RBM4B: variants seen among roughly 807,000 people sequenced by gnomAD.
The protein encoded by RBM4B is RNA-binding protein 4B.
In RBM4B, 13 loss-of-function variants were observed where a neutral mutation model predicts 28.5. That is an observed-to-expected ratio of 0.46 (90% CI 0.30 to 0.72). The LOEUF is 0.72. Among genes scored for constraint, RBM4B ranks in the 30% least tolerant of loss-of-function variants. The pLI is 0.09. For synonymous variants in RBM4B, 167 were observed against 179.1 expected, an observed-to-expected ratio of 0.93 and a Z score of 0.54; for missense variants, 387 against 477.6, an observed-to-expected ratio of 0.81 and a Z score of 1.77.
In RBM4B at chr11:66,668,735, C is replaced by T. The variant is rs373656919; in HGVS notation, c.969G>A (p.Gly323=). ...LPTVGEGYGY[G]PESELSQASA... is the part of the protein sequence containing the mutation. ...AAGCCTGAGATAATTCACTCTCTGG[C>T]CCATAACCGTAGCCCTCTCCAACTG... The change falls in exon 3 of 4, where the codon GGG becomes GGA. Residue 323 remains glycine, a synonymous_variant. Transcript: ENST00000310046. 1 of 1,614,064 alleles carries T rather than the reference C, an allele frequency of 6.2e-7. No homozygotes were observed. Among genetic ancestry groups the T allele is most frequent in the Non-Finnish European group, 8.5e-7 (1 of 1,180,028 alleles).
chr11:66,666,253 A>T, intron 3 of RBM4B: 1 of 1,002,552 alleles, frequency 1.0e-6, no homozygotes. Context: ...TGGCTGGGGG[A>T]AAAAAAAAGT....
At chr11:66,672,846 CTA>C (rs1379373792) in intron 2 of RBM4B, among the ~76,000 whole-genome samples, 1 of 152,082 alleles carries the variant, frequency 6.6e-6, no homozygotes, top group Non-Finnish European at 1.5e-5. Context: ...TTGAAAAAGA[CTA>C]TGCCTCTCTA....
At position 66,665,527 on chromosome 11, in the gene RBM4B, C is replaced by G; in HGVS notation, c.*61G>C. ...TCCCGGCAAAGGGGACCGCGCGGAG[C>G]AAGTTCTCATATATGACCGCAGCCC... On this transcript the variant is annotated 3_prime_UTR_variant, in exon 4 of 4. Coordinates refer to ENST00000310046, the MANE Select transcript of RBM4B (RefSeq NM_031492.4). The G allele has an allele frequency of 1.4e-6, 2 of 1,425,958 alleles. No homozygotes were observed. Among genetic ancestry groups the G allele is most frequent in the Non-Finnish European group, 1.9e-6 (2 of 1,046,194 alleles). The allele number at this position is 1,425,958 out of a possible 1,614,324, so 88.3% of individuals were successfully genotyped here.
At position 66,668,905 on chromosome 11, in the gene RBM4B, A is replaced by T; in HGVS notation, c.799T>A (p.Ser267Thr). ...TTVTSHLNST[S>T]VDPYDRHLLP... is the part of the protein sequence containing the mutation. ...AGGTGTCTGTCATAGGGATCAACAG[A>T]AGTAGAGTTGAGGTGGCTGGTCACA... The change falls in exon 3 of 4, where the codon TCT becomes ACT. Residue 267 changes from serine to threonine, a missense_variant. Ser to Thr is a moderately conservative substitution (Grantham distance 58, BLOSUM62 1). This residue lies in a region of RBM4B where 226 missense variants were observed against 220.6 expected (regional missense o/e 1.02). Transcript: ENST00000310046. 6.2e-7 allele frequency: 1 copy of T among 1,614,144 alleles called. No homozygotes were observed.
intron 2 of RBM4B, among the ~76,000 whole-genome samples, chr11:66,674,177 CT>C (rs926208528): frequency 2.8e-3 from 350 of 124,424 alleles, no homozygotes; most frequent in African/African-American, 3.6e-3. Context: ...ATTTTTTTTT[CT>C]TTTTTTTTTT....
At chr11:66,673,008 G>A (rs1939519923) in intron 2 of RBM4B, among the ~76,000 whole-genome samples, 1 of 152,052 alleles carries the variant, frequency 6.6e-6, no homozygotes, top group Non-Finnish European at 1.5e-5. Context: ...CAGAAAACCA[G>A]CCCTATAAGT....
At position 66,676,695 on chromosome 11, in the gene RBM4B, T is replaced by C. The variant is rs1565097291; in HGVS notation, c.385A>G (p.Arg129Gly). Residue 129 changes from arginine (R) to glycine (G), a missense_variant, in exon 2 of 4, where the codon AGG (arginine) becomes GGG (glycine). Arg to Gly is a moderately radical substitution (Grantham distance 125). Around this residue, in one of 2 missense-constraint regions of RBM4B, gnomAD observed 161 missense variants for 256.9 expected, o/e 0.63. Coordinates refer to ENST00000310046, the MANE Select transcript of RBM4B (RefSeq NM_031492.4). ...ERAEDAVEAIRGLDNTEFQGK... is the reference protein window; with the variant it reads ...ERAEDAVEAIGGLDNTEFQGK... ...TGAAACTCTGTGTTGTCAAGGCCCCTGATGGCCTCCACTGCATCCTCTGCC... is the reference window on the plus strand; with the variant it reads ...TGAAACTCTGTGTTGTCAAGGCCCCCGATGGCCTCCACTGCATCCTCTGCC... 1 of 1,613,940 alleles carries C rather than the reference T, an allele frequency of 6.2e-7. No homozygotes were observed. Among genetic ancestry groups the C allele is most frequent in the Non-Finnish European group, 8.5e-7 (1 of 1,179,956 alleles).
rs1049564629 is a variant in RBM4B at position 66,676,404 on chromosome 11, G to C, written c.412+264C>G. ...GCAGATTACACTTCCAACAGCACTC[G>C]AATCAATGCAAGAATCCCGCAGGGT... On this transcript the variant is annotated intron_variant, in intron 2 of 3. Coordinates refer to ENST00000310046, the MANE Select transcript of RBM4B (RefSeq NM_031492.4). The C allele has an allele frequency of 1.1e-5, 6 of 566,004 alleles. No homozygotes were observed. In the African/African-American group the frequency reaches 1.1e-4, roughly 11 times the overall value. The allele number at this position is 566,004 out of a possible 1,614,324, so 35.1% of individuals were successfully genotyped here.
At chr11:66,677,229 G>A in intron 1 of RBM4B, 138 bp from the exon 2 acceptor site, 2 of 1,124,734 alleles carry the variant, frequency 1.8e-6, no homozygotes, top group Non-Finnish European at 2.5e-6. Context: ...TTCCTCAATA[G>A]AAGAAGGGCG....
At chr11:66,668,282 T>C (rs1261815261) in intron 3 of RBM4B, 2 of 227,710 alleles carry the variant, frequency 8.8e-6, no homozygotes, top group Non-Finnish European at 1.8e-5. Context: ...ATCGTGTAGA[T>C]GATATACAGA....
rs185565778 is a variant in RBM4B, at chr11:66,672,711, G to A, written c.413-3420C>T. The stretch of plus-strand genomic sequence containing the variant: ...GAGGTTTCACCATGTTGGCCAGGCT[G>A]GTCTCGAACTCCTGACCTCAGGTGA... On this transcript the variant is annotated intron_variant, in intron 2 of 3. Transcript: ENST00000310046. Among the ~76,000 whole-genome samples the A allele has an allele frequency of 5.3e-5, 8 of 152,122 alleles. No individual in the cohort carries two copies. In the East Asian group the frequency reaches 1.6e-3, roughly 30 times the overall value.
chr11:66,671,273 GCTC>G (rs1476963917), intron 2 of RBM4B, among the ~76,000 whole-genome samples: 1 of 152,164 alleles, frequency 6.6e-6, no homozygotes, highest in Non-Finnish European at 1.5e-5. Context: ...AGATTTAAAT[GCTC>G]CTAATTGTTA....
chr11:66,669,407 A>G, intron 2 of RBM4B, 116 bp from the exon 3 acceptor site: 1 of 979,902 alleles, frequency 1.0e-6, no homozygotes, highest in South Asian at 1.7e-5. Flanking sequence ...CACACCTGTG[A>G]CCCTATTTCA....
At chr11:66,667,395 T>A (rs891835063) in intron 3 of RBM4B, 2 of 152,154 alleles carry the variant, frequency 1.3e-5, no homozygotes, top group Non-Finnish European at 2.9e-5. Flanking sequence ...CCAGTTTATC[T>A]AACTCCTTAA....
intron 2 of RBM4B, among the ~76,000 whole-genome samples, chr11:66,672,624 T>C (rs910423221): frequency 6.6e-6 from 1 of 151,066 alleles, no homozygotes; most frequent in African/African-American, 2.4e-5. Context: ...GCCTCCCGAG[T>C]AGCTGGGACT....
At position 66,668,729 on chromosome 11, in the gene RBM4B, C is replaced by G; in HGVS notation, c.975G>C (p.Glu325Asp). Residue 325 changes from glutamate (E) to aspartate (D), a missense_variant, in exon 3 of 4, where the codon GAG becomes GAC. By Grantham distance (45) the Glu-to-Asp change is conservative. Coordinates refer to ENST00000310046, the MANE Select transcript of RBM4B (RefSeq NM_031492.4). ...TVGEGYGYGP[E>D]SELSQASAAT... ...CTGCGGAAGCCTGAGATAATTCACT[C>G]TCTGGCCCATAACCGTAGCCCTCTC... The G allele has an allele frequency of 6.2e-7, 1 of 1,614,248 alleles. No homozygotes were observed. Among genetic ancestry groups the G allele is most frequent in the Non-Finnish European group, 8.5e-7 (1 of 1,180,046 alleles).
Position 66,669,112 on chromosome 11 carries a change from G to C in RBM4B, c.592C>G (p.Arg198Gly). 6.2e-7 allele frequency: 1 copy of C among 1,614,096 alleles called. No individual in the cohort carries two copies. The highest frequency in any genetic ancestry group is 8.5e-7 in the Non-Finnish European group (1 of 1,180,026). The change falls in exon 3 of 4, where the codon CGA becomes GGA. Residue 198 changes from arginine to glycine, a missense_variant. Physicochemically the swap from Arg to Gly is moderately radical, Grantham distance 125. Coordinates refer to ENST00000310046, the MANE Select transcript of RBM4B (RefSeq NM_031492.4). ...EQYNEQYGAV[R>G]TPYTMGYGES... is the part of the protein sequence containing the mutation. ...CCGTAGCCCATGGTGTAAGGTGTTC[G>C]AACTGCTCCATATTGTTCATTATAC...
chr11:66,675,955 TTTA>T, intron 2 of RBM4B: 1 of 152,452 alleles, frequency 6.6e-6, no homozygotes, highest in East Asian at 1.9e-4. Context: ...CATATGTACC[TTTA>T]TTATCGGTAT....
At position 66,676,942 on chromosome 11, in the gene RBM4B, C is replaced by T. The variant is rs746937179; in HGVS notation, c.138G>A (p.Thr46=). ...NYGFVHIEDK[T]AAEDAIRNLH... ...GGTTGCGTATGGCATCCTCAGCTGC[C>T]GTCTTGTCTTCTATGTGCACAAAGC... is the stretch of plus-strand genomic sequence containing the variant. Residue 46 remains threonine (T), a synonymous_variant, in exon 2 of 4, where the codon ACG becomes ACA. Coordinates refer to ENST00000310046, the MANE Select transcript of RBM4B (RefSeq NM_031492.4). 1.9e-6 allele frequency: 3 copies of T among 1,613,914 alleles called. No homozygotes were observed. Among genetic ancestry groups the T allele is most frequent in the South Asian group, 2.2e-5 (2 of 91,076 alleles).
Sources: allele counts gnomAD v4.1 joint callset (sites outside exome capture counted in the v4.1 genomes callset), GRCh38; gene constraint gnomAD v4.1.1; regional missense constraint gnomAD v4.1.1; transcripts MANE v1.5; gene names NCBI Gene and HGNC (gene_info 2026-07-23, HGNC 2026-07-21).